TRAPPC9: variants seen among roughly 807,000 people sequenced by gnomAD.
TRAPPC9 encodes the protein IKK2 binding protein.
TRAPPC9 carries 83 observed loss-of-function variants against 124.0 expected under a neutral mutation model. The observed-to-expected ratio is 0.67, with a 90% confidence interval of 0.56 to 0.80. The LOEUF is 0.80. Ranked by LOEUF, TRAPPC9 falls within the 30% of genes least tolerant of loss-of-function variation. The probability of loss-of-function intolerance (pLI) is 0.00; values close to 1 mark genes in which losing one functional copy is unlikely to be tolerated. For synonymous variants in TRAPPC9, 638 were observed against 617.5 expected (o/e 1.03, Z -0.49); for missense variants, 1,302 against 1,508.3 (o/e 0.86, Z 2.27).
chr8:140,389,004 C>T (rs2068843712), intron 7 of TRAPPC9, among the ~76,000 whole-genome samples: 1 of 140,344 alleles, frequency 7.1e-6, no homozygotes, highest in African/African-American at 2.7e-5. Flanking sequence ...GTCACCCAGG[C>T]TGGAGTGCAA....
At chr8:139,781,176 G>C (rs1041496276) in intron 21 of TRAPPC9, among the ~76,000 whole-genome samples, 1 of 152,152 alleles carries the variant, frequency 6.6e-6, no homozygotes, top group African/African-American at 2.4e-5. Context: ...ACCCAAATGA[G>C]TTGAAAATTT....
At chr8:139,807,999 G>C (rs1824185546) in intron 21 of TRAPPC9, among the ~76,000 whole-genome samples, 2 of 152,154 alleles carry the variant, frequency 1.3e-5, no homozygotes, top group Admixed American at 1.3e-4. Context: ...ATCCCTACAG[G>C]TGTGTATCTT....
Position 140,220,797 on chromosome 8 carries a change from C to T in TRAPPC9, c.2556+662G>A, listed in dbSNP as rs932712777. On this transcript the variant is annotated intron_variant, in intron 17 of 22. Coordinates refer to ENST00000438773, the MANE Select transcript of TRAPPC9 (RefSeq NM_001160372.4). Reference sequence around the variant, plus strand: ...GTAAACAGCATCCCAAAGGCTGGTCCTGAACACAAGTGTGCCTGAAAGTGA... The same window carrying T: ...GTAAACAGCATCCCAAAGGCTGGTCTTGAACACAAGTGTGCCTGAAAGTGA... Among the ~76,000 whole-genome samples the T allele has an allele frequency of 4.6e-5, 7 of 152,232 alleles. 1 individual carries two copies. The South Asian group carries it at 1.5e-3, about 32-fold the overall frequency.
At chr8:140,344,569 C>T (rs887646557) in intron 9 of TRAPPC9, among the ~76,000 whole-genome samples, 3 of 152,176 alleles carry the variant, frequency 2.0e-5, no homozygotes, top group East Asian at 1.9e-4. Context: ...GAAGGGTGGG[C>T]GTTTGGCTCA....
chr8:140,089,298 G>C (rs1168213765), intron 17 of TRAPPC9, among the ~76,000 whole-genome samples: 3 of 152,112 alleles, frequency 2.0e-5, no homozygotes, highest in African/African-American at 4.8e-5. Flanking sequence ...ATCTTTCAGA[G>C]GTCAGAAATA....
chr8:139,889,970 G>A (rs1455151887), intron 20 of TRAPPC9, among the ~76,000 whole-genome samples: 2 of 152,254 alleles, frequency 1.3e-5, no homozygotes, highest in Non-Finnish European at 2.9e-5. Flanking sequence ...CCTTCTAGGG[G>A]AGTAGGCACA....
chr8:140,187,300 G>GC (rs2062374328), intron 17 of TRAPPC9, among the ~76,000 whole-genome samples: 1 of 152,170 alleles, frequency 6.6e-6, no homozygotes, highest in Non-Finnish European at 1.5e-5. Context: ...TGGAGCCGAT[G>GC]CCCCACCTAG....
intron 21 of TRAPPC9, among the ~76,000 whole-genome samples, chr8:139,813,739 C>G (rs1586903071): frequency 6.6e-6 from 1 of 152,236 alleles, no homozygotes; most frequent in Non-Finnish European, 1.5e-5. Flanking sequence ...AATGGGCTGC[C>G]TGGGGACACA....
chr8:139,907,971 A>T lies in TRAPPC9; in HGVS notation c.2964+2176T>A, dbSNP rs891188677. Among the ~76,000 whole-genome samples, 1 of 152,166 alleles carries T rather than the reference A, an allele frequency of 6.6e-6. No homozygotes were observed. On this transcript the variant is annotated intron_variant, in intron 20 of 22. Transcript: ENST00000438773. The surrounding 1 kb of genome is among the most constrained non-coding windows in gnomAD (Gnocchi z 4.7). ...TTCATCTGCAAGACGGGAAGACAGG[A>T]TAATGAAACCGCCCCAGGAGTCAGG...
At chr8:139,867,674 G>A (rs887311367) in intron 21 of TRAPPC9, among the ~76,000 whole-genome samples, 3 of 152,194 alleles carry the variant, frequency 2.0e-5, no homozygotes, top group African/African-American at 7.2e-5. Context: ...TGCCAAAAAT[G>A]TTCAAAACTG....
chr8:140,364,955 C>A (rs774447147), intron 8 of TRAPPC9, among the ~76,000 whole-genome samples: 29 of 150,710 alleles, frequency 1.9e-4, no homozygotes, highest in Non-Finnish European at 3.0e-4. Context: ...GTGACTAGGG[C>A]AGACCCCTCC....
rs377446017 is a variant in TRAPPC9 at position 140,451,002 on chromosome 8, G to A, written c.372C>T (p.Ile124=). 1.7e-5 allele frequency: 28 copies of A among 1,613,956 alleles called. No individual in the cohort carries two copies. The highest frequency in any genetic ancestry group is 6.7e-5 in the East Asian group (3 of 44,888). ...CCACGTCGGTGCGCGGCTGCTCCAC[G>A]ATCTCCCCCTGCAGCCCGAAGACAA... is the stretch of plus-strand genomic sequence containing the variant. ...RLFVFGLQGE[I]VEQPRTDVAF... is the part of the protein sequence containing the mutation. The change falls in exon 2 of 23, where the codon ATC becomes ATT. Residue 124 remains isoleucine, a synonymous_variant. Transcript: ENST00000438773.
At chr8:140,084,581 C>T (rs1382540352) in intron 17 of TRAPPC9, among the ~76,000 whole-genome samples, 1 of 152,228 alleles carries the variant, frequency 6.6e-6, no homozygotes, top group African/African-American at 2.4e-5. Context: ...ATCACTTCCC[C>T]AGTGCTAATG....
chr8:139,868,992 A>G (rs1239553306), intron 21 of TRAPPC9, among the ~76,000 whole-genome samples: 4 of 152,224 alleles, frequency 2.6e-5, no homozygotes, highest in Non-Finnish European at 5.9e-5. Context: ...AAAGAGGAAG[A>G]AAATTATCAC....
chr8:140,075,282 C>G (rs769444519), intron 17 of TRAPPC9, among the ~76,000 whole-genome samples: 5 of 152,176 alleles, frequency 3.3e-5, no homozygotes, highest in South Asian at 2.1e-4. Context: ...CACAGAGAAA[C>G]TATGTTTTTA....
intron 17 of TRAPPC9, among the ~76,000 whole-genome samples, chr8:140,125,194 G>A (rs1318720978): frequency 6.6e-6 from 1 of 152,234 alleles, no homozygotes; most frequent in African/African-American, 2.4e-5. Context: ...CAGAGCTCGG[G>A]GGCGGGACAC....
At chr8:140,069,929 A>C (rs1843069034) in intron 17 of TRAPPC9, among the ~76,000 whole-genome samples, 1 of 152,228 alleles carries the variant, frequency 6.6e-6, no homozygotes, top group South Asian at 2.1e-4. Context: ...GTCCAAGTGC[A>C]GGAAGAGAAA....
chr8:139,763,117 C>A (rs1820351552), intron 21 of TRAPPC9, among the ~76,000 whole-genome samples: 1 of 152,204 alleles, frequency 6.6e-6, no homozygotes, highest in South Asian at 2.1e-4. Context: ...TTAGCACTAA[C>A]CAGGTGCTAG....
intron 17 of TRAPPC9, among the ~76,000 whole-genome samples, chr8:140,209,892 G>A (rs1032692733): frequency 3.3e-5 from 5 of 152,202 alleles, no homozygotes; most frequent in African/African-American, 2.4e-5. Context: ...AGGATATCAC[G>A]GAAACAGCGT....
Sources: allele counts gnomAD v4.1 joint callset (sites outside exome capture counted in the v4.1 genomes callset), GRCh38; gene constraint gnomAD v4.1.1; non-coding constraint Gnocchi (gnomAD v3.1); transcripts MANE v1.5; gene names NCBI Gene and HGNC (gene_info 2026-07-23, HGNC 2026-07-21).